Variants in SOBP observed in about 807,000 individuals in gnomAD.
The protein encoded by SOBP is sine oculis binding protein homolog.
A neutral mutation model predicts 53.6 loss-of-function variants in SOBP; 4 were observed. That is an observed-to-expected ratio of 0.07 (90% confidence interval 0.04 to 0.17). SOBP has a LOEUF of 0.17. SOBP is among the 10% of genes least tolerant of loss of function. The pLI is 1.00. For synonymous variants in SOBP, 584 were observed against 522.6 expected, an observed-to-expected ratio of 1.12 and a Z score of -1.60; for missense variants, 1,088 against 1,204.7, an observed-to-expected ratio of 0.90 and a Z score of 1.43.
intron 5 of SOBP, among the ~76,000 whole-genome samples, chr6:107,608,643 C>T (rs1786478845): frequency 6.6e-6 from 1 of 152,130 alleles, no homozygotes; most frequent in Admixed American, 6.5e-5. Flanking sequence ...CTGTAGAAAT[C>T]GACATCTCTT....
At chr6:107,547,625 T>C (rs1784338106) in intron 4 of SOBP, among the ~76,000 whole-genome samples, 1 of 152,162 alleles carries the variant, frequency 6.6e-6, no homozygotes, top group African/African-American at 2.4e-5. Context: ...AAAGAATTGG[T>C]AAATGTAAAT....
At chr6:107,610,790 GCACACGCA>G (rs1430208919) in intron 5 of SOBP, among the ~76,000 whole-genome samples, 9 of 123,232 alleles carry the variant, frequency 7.3e-5, no homozygotes, top group South Asian at 3.0e-4. Context: ...GCACGTGTGT[GCACACGCA>G]CACACACACA....
chr6:107,613,589 ATTGT>A lies in SOBP; in HGVS notation c.670-19919_670-19916del, dbSNP rs71786940. Among the ~76,000 whole-genome samples, 11 of 152,314 alleles carry A rather than the reference ATTGT, an allele frequency of 7.2e-5. No individual in the cohort carries two copies. In the East Asian group the frequency reaches 1.5e-3, roughly 21 times the overall value. ...GTGAGAGGAAAAGGAGAAAGAAAAA[ATTGT>A]TTGTTATAAGTTCACAGATACTTGG... On this transcript the variant is annotated intron_variant, in intron 5 of 6. Transcript: ENST00000317357.
At chr6:107,536,880 C>T (rs191987832) in intron 4 of SOBP, among the ~76,000 whole-genome samples, 5 of 152,096 alleles carry the variant, frequency 3.3e-5, no homozygotes, top group African/African-American at 7.2e-5. Context: ...TCCTTATCCC[C>T]GAAGGCTTAT....
At chr6:107,645,632 A>G (rs1014607082) in intron 6 of SOBP, among the ~76,000 whole-genome samples, 1 of 152,204 alleles carries the variant, frequency 6.6e-6, no homozygotes, top group Non-Finnish European at 1.5e-5. Flanking sequence ...GACCGGGTCC[A>G]GTTCACTCAT....
At chr6:107,490,738 GA>G in intron 1 of SOBP, 26 bp downstream of exon 1, 1 of 1,529,224 alleles carries the variant, frequency 6.5e-7, no homozygotes, top group Non-Finnish European at 8.9e-7. Context: ...GGGGGCCAGG[GA>G]GACTGAGCTC....
rs1785957109 is a variant in SOBP at position 107,596,636 on chromosome 6, T to C, written c.669+9461T>C. ...GAGTTTAAAATAAGAAACTTTACTTTTGCCTTGATTTTCCAGAAAATTGCT... is the reference window on the plus strand; with the variant it reads ...GAGTTTAAAATAAGAAACTTTACTTCTGCCTTGATTTTCCAGAAAATTGCT... On this transcript the variant is annotated intron_variant, in intron 5 of 6. Transcript: ENST00000317357. Among the ~76,000 whole-genome samples the C allele has an allele frequency of 2.6e-5, 4 of 152,230 alleles. No homozygotes were observed. The South Asian group carries it at 8.3e-4, about 32-fold the overall frequency.
intron 4 of SOBP, among the ~76,000 whole-genome samples, chr6:107,584,249 A>G (rs941540667): frequency 1.4e-5 from 2 of 146,320 alleles, no homozygotes; most frequent in Admixed American, 6.9e-5. Flanking sequence ...AGACACCAAT[A>G]TGTTAAAAAA....
At position 107,635,420 on chromosome 6, in the gene SOBP, C is replaced by G. The variant is rs774755116; in HGVS notation, c.2576C>G (p.Pro859Arg). 2 of 1,613,546 alleles carry G rather than the reference C, an allele frequency of 1.2e-6. No homozygotes were observed. Among genetic ancestry groups the G allele is most frequent in the Admixed American group, 1.7e-5 (1 of 60,026 alleles). ...MLSAGPEDLE[P>R]PLKRRCLRIR... is the part of the protein sequence containing the mutation. ...AGCGCCGGGCCTGAGGACCTGGAGC[C>G]GCCGCTCAAAAGGAGGTGCCTCCGA... is the stretch of plus-strand genomic sequence containing the variant. Residue 859 changes from proline (P) to arginine (R), a missense_variant, in exon 6 of 7, where the codon CCG (proline) becomes CGG (arginine). Around this residue, in one of 6 missense-constraint regions of SOBP, gnomAD observed 665 missense variants for 629.7 expected, o/e 1.06. Transcript: ENST00000317357. The surrounding 1 kb of genome is among the most constrained non-coding windows in gnomAD (Gnocchi z 4.5).
At chr6:107,527,000 A>G (rs1338928201) in intron 3 of SOBP, among the ~76,000 whole-genome samples, 1 of 152,244 alleles carries the variant, frequency 6.6e-6, no homozygotes, top group East Asian at 1.9e-4. Context: ...CTCATGTAGT[A>G]TTATGGACCT....
intron 4 of SOBP, among the ~76,000 whole-genome samples, chr6:107,561,796 G>A (rs1242819379): frequency 2.6e-5 from 4 of 152,130 alleles, no homozygotes; most frequent in Non-Finnish European, 5.9e-5. Flanking sequence ...CTGTCTAAGG[G>A]CTGTTTCATT....
At chr6:107,648,568 G>A (rs889335616) in intron 6 of SOBP, among the ~76,000 whole-genome samples, 10 of 151,106 alleles carry the variant, frequency 6.6e-5, no homozygotes, top group Non-Finnish European at 1.5e-4. Flanking sequence ...CAGAGTTCTT[G>A]TTTGCAAATG....
At chr6:107,586,100 C>A (rs1399929312) in intron 4 of SOBP, among the ~76,000 whole-genome samples, 1 of 152,188 alleles carries the variant, frequency 6.6e-6, no homozygotes, top group Non-Finnish European at 1.5e-5. Flanking sequence ...TTTCCTACTT[C>A]ACTAGGGCTT....
At chr6:107,646,347 A>T (rs1224987495) in intron 6 of SOBP, among the ~76,000 whole-genome samples, 3 of 152,226 alleles carry the variant, frequency 2.0e-5, no homozygotes, top group Non-Finnish European at 1.5e-5. Context: ...CCATTCCAGG[A>T]TCTAAAGAAG....
At chr6:107,623,448 C>T (rs904447580) in intron 5 of SOBP, among the ~76,000 whole-genome samples, 21 of 151,962 alleles carry the variant, frequency 1.4e-4, no homozygotes, top group African/African-American at 9.7e-5. Flanking sequence ...CCATTGTCTC[C>T]GTAAAGAGAA....
At position 107,634,636 on chromosome 6, in the gene SOBP, C is replaced by A. The variant is rs1562117048; in HGVS notation, c.1792C>A (p.Pro598Thr). ...KQGSSKSADS[P>T]PGCSGQALSL... ...GGGCTCGTCCAAGTCCGCGGACTCG[C>A]CCCCCGGCTGCTCGGGCCAGGCCCT... Residue 598 changes from proline to threonine, a missense_variant, in exon 6 of 7, where the codon CCC becomes ACC. This residue lies in a region of SOBP where 665 missense variants were observed against 629.7 expected (regional missense o/e 1.06). Transcript: ENST00000317357. This position sits in a 1 kb window ranked among gnomAD's most constrained non-coding sequence, Gnocchi z 4.5. The A allele has an allele frequency of 6.3e-7, 1 of 1,577,176 alleles. No individual in the cohort carries two copies. Among genetic ancestry groups the A allele is most frequent in the Non-Finnish European group, 8.6e-7 (1 of 1,167,956 alleles).
At chr6:107,638,448 T>C (rs886170278) in intron 6 of SOBP, among the ~76,000 whole-genome samples, 3 of 152,112 alleles carry the variant, frequency 2.0e-5, no homozygotes, top group African/African-American at 7.2e-5. Flanking sequence ...TGACCTCAGG[T>C]GATCCACCCA....
At position 107,584,596 on chromosome 6, in the gene SOBP, A is replaced by G. The variant is rs537201548; in HGVS notation, c.574-2484A>G. ...TAGAGGACAGGCCATTCCCAGAGCC[A>G]TGGAAGTTTGATGCAGAGGTGAACA... On this transcript the variant is annotated intron_variant, in intron 4 of 6. Transcript: ENST00000317357. Among the ~76,000 whole-genome samples, 3 of 152,328 alleles carry G rather than the reference A, an allele frequency of 2.0e-5. No individual in the cohort carries two copies. The East Asian group carries it at 5.8e-4, about 29-fold the overall frequency.
chr6:107,553,020 T>G (rs1370394575), intron 4 of SOBP, among the ~76,000 whole-genome samples: 1 of 152,028 alleles, frequency 6.6e-6, no homozygotes, highest in Admixed American at 6.6e-5. Flanking sequence ...AGAGATGGGG[T>G]GGGTGTGGAG....
Sources: gnomAD v4.1 joint callset for allele counts (sites outside exome capture counted in the v4.1 genomes callset) on GRCh38, gnomAD v4.1.1 for gene constraint, gnomAD v4.1.1 regional missense constraint, Gnocchi (gnomAD v3.1) non-coding constraint, MANE v1.5 for transcripts, NCBI Gene and HGNC (gene_info 2026-07-23, HGNC 2026-07-21) for gene names.